The following ZC3H18 variants were observed in gnomAD, a reference collection of about 807,000 sequenced individuals.
ZC3H18 encodes the protein zinc finger CCCH domain-containing protein 18.
A neutral mutation model predicts 106.1 loss-of-function variants in ZC3H18; 8 were observed. The observed-to-expected ratio is 0.08, with a 90% CI of 0.04 to 0.14. ZC3H18 has a LOEUF of 0.14. Ranked by LOEUF, ZC3H18 falls within the 10% of genes least tolerant of loss-of-function variation. The pLI, the probability that ZC3H18 is intolerant of heterozygous loss-of-function variation, is 1.00. For synonymous variants in ZC3H18, 635 were observed against 522.1 expected (o/e 1.22, Z -2.95); for missense variants, 1,318 against 1,278.4 (o/e 1.03, Z -0.47).
chr16:88,571,301 T>C (rs1239930936), intron 1 of ZC3H18, among the ~76,000 whole-genome samples: 1 of 152,200 alleles, frequency 6.6e-6, no homozygotes, highest in African/African-American at 2.4e-5. Flanking sequence ...CAAGAGTAGG[T>C]CATTCTTCAG....
chr16:88,571,774 G>C, intron 1 of ZC3H18: 1 of 702,798 alleles, frequency 1.4e-6, no homozygotes. Context: ...GAGTTTAGTG[G>C]TCACGCTTGG....
intron 3 of ZC3H18, among the ~76,000 whole-genome samples, chr16:88,597,951 G>T (rs1904527152): frequency 6.6e-6 from 1 of 152,234 alleles, no homozygotes. Context: ...TGACCGAGGT[G>T]CCTGGCAGCC....
intron 1 of ZC3H18, among the ~76,000 whole-genome samples, chr16:88,572,398 G>GGTTCACGCCTTTCTCCT (rs1192583191): frequency 4.0e-5 from 6 of 151,798 alleles, no homozygotes; most frequent in Non-Finnish European, 5.9e-5. Flanking sequence ...CCTCCTCCTG[G>GGTTCACGCCTTTCTCCT]GCACTTATTT....
At chr16:88,600,079 C>T (rs1904668561) in intron 6 of ZC3H18, 131 bp downstream of exon 6, 9 of 1,190,516 alleles carry the variant, frequency 7.6e-6, no homozygotes, top group Admixed American at 5.1e-5. Flanking sequence ...GTCTCAGTGA[C>T]GTTCCTGAGA....
At chr16:88,592,520 C>G (rs1209667622) in intron 3 of ZC3H18, among the ~76,000 whole-genome samples, 1 of 152,138 alleles carries the variant, frequency 6.6e-6, no homozygotes, top group Non-Finnish European at 1.5e-5. Context: ...GTTGCCCAGG[C>G]TGGAGTGCAA....
chr16:88,610,513 C>G (rs568128424), intron 7 of ZC3H18, among the ~76,000 whole-genome samples: 1 of 152,318 alleles, frequency 6.6e-6, no homozygotes, highest in East Asian at 1.9e-4. Context: ...CCCAGGGATC[C>G]CTTTCCACTG....
chr16:88,605,744 A>G (rs909116296), intron 6 of ZC3H18, among the ~76,000 whole-genome samples: 2 of 152,256 alleles, frequency 1.3e-5, no homozygotes, highest in East Asian at 3.8e-4. Flanking sequence ...TGGTTAAACA[A>G]AGTGATCTCG....
At chr16:88,593,838 C>A (rs1904312611) in intron 3 of ZC3H18, among the ~76,000 whole-genome samples, 1 of 152,190 alleles carries the variant, frequency 6.6e-6, no homozygotes, top group African/African-American at 2.4e-5. Flanking sequence ...GTGTGCTCAC[C>A]AGCTTCTCAG....
Position 88,610,539 on chromosome 16 carries a change from T to C in ZC3H18, c.1207-729T>C, listed in dbSNP as rs770885219. Among the ~76,000 whole-genome samples the C allele has an allele frequency of 2.4e-4, 36 of 152,368 alleles. No homozygotes were observed. The Middle Eastern group carries it at 0.017, about 72-fold the overall frequency. On this transcript the variant is annotated intron_variant, in intron 7 of 17. Coordinates refer to ENST00000301011, the MANE Select transcript of ZC3H18 (RefSeq NM_144604.4). ...CTTTCCACTGCGTTCCTCTCTGCTGTGTCCGAGGGAGGGGCAGCAGGGAGG... is the reference window on the plus strand; with the variant it reads ...CTTTCCACTGCGTTCCTCTCTGCTGCGTCCGAGGGAGGGGCAGCAGGGAGG...
intron 1 of ZC3H18, among the ~76,000 whole-genome samples, chr16:88,575,405 C>T (rs1422881536): frequency 6.6e-6 from 1 of 151,978 alleles, no homozygotes; most frequent in Non-Finnish European, 1.5e-5. Context: ...GTGACCGTGA[C>T]ATACGTTATT....
chr16:88,597,979 C>A (rs577325337), intron 3 of ZC3H18, among the ~76,000 whole-genome samples, 199 bp from the exon 4 acceptor site: 1 of 152,352 alleles, frequency 6.6e-6, no homozygotes, highest in South Asian at 2.1e-4. Flanking sequence ...AACTGCCGTG[C>A]CTGGGCAGGT....
intron 6 of ZC3H18, among the ~76,000 whole-genome samples, chr16:88,607,476 G>T (rs1159706040): frequency 1.3e-5 from 2 of 152,238 alleles, no homozygotes; most frequent in East Asian, 3.8e-4. Context: ...GGACTGACTT[G>T]TGGGCGATTC....
At chr16:88,590,228 A>G (rs539615365) in intron 3 of ZC3H18, among the ~76,000 whole-genome samples, 2 of 152,324 alleles carry the variant, frequency 1.3e-5, no homozygotes, top group Non-Finnish European at 2.9e-5. Context: ...TGGGGATGAC[A>G]GGCATGAGCC....
At chr16:88,626,416 T>C (rs1387806723) in intron 13 of ZC3H18, 4 of 152,230 alleles carry the variant, frequency 2.6e-5, no homozygotes, top group Non-Finnish European at 4.4e-5. Flanking sequence ...TTTAGTTGTT[T>C]TAAAAGAAAG....
intron 17 of ZC3H18, 112 bp downstream of exon 17, chr16:88,630,693 C>T (rs1906609440): frequency 2.4e-6 from 2 of 819,132 alleles, no homozygotes; most frequent in Non-Finnish European, 3.8e-6. Context: ...GGAGGCGTCA[C>T]TACAGCTCCT....
chr16:88,623,382 G>T (rs1906094067), intron 10 of ZC3H18, 38 bp downstream of exon 10: 7 of 1,606,120 alleles, frequency 4.4e-6, no homozygotes, highest in Non-Finnish European at 5.9e-6. Flanking sequence ...CTCAGCAGGT[G>T]CAGTGAGCAA....
At position 88,631,287 on chromosome 16, in the gene ZC3H18, C is replaced by G. The variant is rs780398567; in HGVS notation, c.2850C>G (p.Pro950=). The G allele has an allele frequency of 4.1e-5, 65 of 1,587,362 alleles. No individual in the cohort carries two copies. Among genetic ancestry groups the G allele is most frequent in the Non-Finnish European group, 5.6e-5 (65 of 1,167,262 alleles). The change falls in exon 18 of 18, where the codon CCC becomes CCG. Residue 950 remains proline (P), a synonymous_variant. Coordinates refer to ENST00000301011, the MANE Select transcript of ZC3H18 (RefSeq NM_144604.4). The stretch of plus-strand genomic sequence containing the variant: ...TTGCACGCAAGCGGGCCAAGATCCC[C>G]GGGAAAGCATAGGCCGTGCCCCGAC... The part of the protein sequence containing the change: ...DAIARKRAKI[P]GKA
In ZC3H18 at chr16:88,572,350, C is replaced by G. The variant is rs142609506; in HGVS notation, c.-15+1784C>G. ...ACGGAGTCTCACTCTGTTGCCCAGG[C>G]TGGAGTGCAGTGGCAGGATCTCGGC... On this transcript the variant is annotated intron_variant, in intron 1 of 17. Coordinates refer to ENST00000301011, the MANE Select transcript of ZC3H18 (RefSeq NM_144604.4). Among the ~76,000 whole-genome samples the G allele has an allele frequency of 5.8e-3, 877 of 152,322 alleles. 10 individuals are homozygous for G. The highest frequency in any genetic ancestry group is 0.012 in the Admixed American group (177 of 15,294).
intron 8 of ZC3H18, among the ~76,000 whole-genome samples, chr16:88,616,268 C>G (rs1049536822): frequency 2.6e-5 from 4 of 152,210 alleles, no homozygotes; most frequent in African/African-American, 9.7e-5. Flanking sequence ...CACAGCTGCT[C>G]TCACCAAACT....
Sources: allele counts gnomAD v4.1 joint callset (sites outside exome capture counted in the v4.1 genomes callset), GRCh38; gene constraint gnomAD v4.1.1; transcripts MANE v1.5; gene names NCBI Gene and HGNC (gene_info 2026-07-23, HGNC 2026-07-21).